The following FGF14 variants were observed in gnomAD, a reference collection of about 807,000 sequenced individuals.
FGF14 encodes the protein fibroblast growth factor 14, also known as fibroblast growth factor homologous factor 4.
In FGF14, 5 loss-of-function variants were observed where a neutral mutation model predicts 25.5. The ratio of observed to expected loss-of-function variants is 0.20; its 90% CI spans 0.10 to 0.41. The LOEUF (loss-of-function observed/expected upper bound fraction) is 0.41, where lower values mean the gene tolerates loss of function less well. Among genes scored for constraint, FGF14 ranks in the 10% least tolerant of loss-of-function variants. The probability of loss-of-function intolerance (pLI) is 1.00; values close to 1 mark genes in which losing one functional copy is unlikely to be tolerated. For synonymous variants in FGF14, 138 were observed against 118.3 expected, an observed-to-expected ratio of 1.17 and a Z score of -1.08; for missense variants, 222 against 320.1, an observed-to-expected ratio of 0.69 and a Z score of 2.34.
At chr13:102,390,496 G>A (rs1460630315) in intron 1 of FGF14, among the ~76,000 whole-genome samples, 4 of 152,300 alleles carry the variant, frequency 2.6e-5, no homozygotes, top group Non-Finnish European at 4.4e-5. Context: ...TTTCTAGAGC[G>A]GTAGCTGCAA....
intron 1 of FGF14, among the ~76,000 whole-genome samples, chr13:102,185,601 T>C (rs541998136): frequency 6.6e-6 from 1 of 152,194 alleles, no homozygotes; most frequent in Non-Finnish European, 1.5e-5. Context: ...CTCTTAAAGA[T>C]CTCCATATGA....
chr13:101,747,078 G>T (rs1440732209), intron 3 of FGF14, among the ~76,000 whole-genome samples: 2 of 151,866 alleles, frequency 1.3e-5, no homozygotes, highest in African/African-American at 4.8e-5. Context: ...GCAGGAAAGT[G>T]GTATGTTGAG....
intron 1 of FGF14, among the ~76,000 whole-genome samples, chr13:102,126,320 A>G (rs1291567997): frequency 6.6e-6 from 1 of 152,202 alleles, no homozygotes; most frequent in Admixed American, 6.5e-5. Flanking sequence ...ATCATACAAT[A>G]TGTGTCCTAT....
intron 1 of FGF14, among the ~76,000 whole-genome samples, chr13:102,380,206 C>T (rs1281373612): frequency 6.6e-6 from 1 of 152,008 alleles, no homozygotes; most frequent in Non-Finnish European, 1.5e-5. Context: ...CATGGAATGT[C>T]ATGAAACTGA....
At chr13:102,374,656 A>G (rs1254235843) in intron 1 of FGF14, among the ~76,000 whole-genome samples, 13 of 63,198 alleles carry the variant, frequency 2.1e-4, no homozygotes, top group Admixed American at 1.8e-3. Flanking sequence ...ATATATATAT[A>G]TATATATATA....
At chr13:102,202,092 C>CCCTTCG (rs1342158834) in intron 1 of FGF14, among the ~76,000 whole-genome samples, 1 of 152,170 alleles carries the variant, frequency 6.6e-6, no homozygotes, top group East Asian at 1.9e-4. Flanking sequence ...TGCTGCCTCC[C>CCCTTCG]CCTTCGCCTT....
intron 1 of FGF14, among the ~76,000 whole-genome samples, chr13:102,386,540 G>C (rs1367346598): frequency 1.3e-5 from 2 of 152,198 alleles, no homozygotes; most frequent in African/African-American, 4.8e-5. Flanking sequence ...AAAGGAAAAA[G>C]CATAGTCAGG....
intron 1 of FGF14, among the ~76,000 whole-genome samples, chr13:102,330,325 A>G (rs909782772): frequency 6.6e-6 from 1 of 151,990 alleles, no homozygotes; most frequent in Non-Finnish European, 1.5e-5. Context: ...TTGTGAACCA[A>G]TTTTCTCTGT....
intron 3 of FGF14, among the ~76,000 whole-genome samples, chr13:101,742,009 G>A (rs1449799645): frequency 6.6e-6 from 1 of 152,160 alleles, no homozygotes; most frequent in Non-Finnish European, 1.5e-5. Flanking sequence ...GAAGTGGCTA[G>A]AGTTAGAGAT....
chr13:101,775,507 G>A (rs2039051648), intron 3 of FGF14, among the ~76,000 whole-genome samples: 1 of 137,620 alleles, frequency 7.3e-6, no homozygotes, highest in Non-Finnish European at 1.6e-5. Context: ...GTGAAGAGCC[G>A]AGAATTTCTG....
At chr13:102,360,704 A>G (rs1166445943) in intron 1 of FGF14, among the ~76,000 whole-genome samples, 6 of 152,192 alleles carry the variant, frequency 3.9e-5, no homozygotes, top group African/African-American at 1.4e-4. Flanking sequence ...TTCAAGGAGC[A>G]AAATTATCAG....
chr13:102,142,530 G>C (rs190666583), intron 1 of FGF14, among the ~76,000 whole-genome samples: 100 of 152,218 alleles, frequency 6.6e-4, no homozygotes, highest in Admixed American at 3.5e-3. Context: ...TGTTTTCAGG[G>C]TTATTATTAT....
chr13:101,901,571 G>C (rs2031555820), intron 1 of FGF14, among the ~76,000 whole-genome samples: 1 of 152,114 alleles, frequency 6.6e-6, no homozygotes, highest in Non-Finnish European at 1.5e-5. Flanking sequence ...AGAGGTTATG[G>C]TGTGCACCTG....
chr13:102,308,834 CTGGGGTGTTAT>C (rs1196815125), intron 1 of FGF14, among the ~76,000 whole-genome samples: 1 of 147,448 alleles, frequency 6.8e-6, no homozygotes, highest in East Asian at 2.1e-4. Context: ...GACCTGGTAC[CTGGGGTGTTAT>C]TGGGGGCAGA....
intron 3 of FGF14, among the ~76,000 whole-genome samples, chr13:101,809,217 A>G (rs2041363578): frequency 6.6e-6 from 1 of 152,172 alleles, no homozygotes; most frequent in Non-Finnish European, 1.5e-5. Flanking sequence ...ACATGTACAT[A>G]CTCAGAAAAA....
intron 1 of FGF14, among the ~76,000 whole-genome samples, chr13:102,156,476 A>G (rs1275683531): frequency 6.6e-6 from 1 of 152,038 alleles, no homozygotes; most frequent in Non-Finnish European, 1.5e-5. Context: ...CATGCTAAAA[A>G]CTCTCAATAA....
chr13:102,359,458 A>T (rs545247769), intron 1 of FGF14, among the ~76,000 whole-genome samples: 1 of 152,208 alleles, frequency 6.6e-6, no homozygotes, highest in Non-Finnish European at 1.5e-5. Context: ...TTGATGATGT[A>T]ATCAAAATAC....
intron 1 of FGF14, among the ~76,000 whole-genome samples, chr13:102,134,021 T>A (rs1432236811): frequency 6.6e-6 from 1 of 152,246 alleles, no homozygotes; most frequent in Non-Finnish European, 1.5e-5. Context: ...TTTTGTCATC[T>A]TTATTTTTAT....
At position 101,714,498 on chromosome 13, in the gene FGF14, T is replaced by C; in HGVS notation, c.*8333A>G. On this transcript the variant is annotated 3_prime_UTR_variant, in exon 5 of 5. Coordinates refer to ENST00000376143, the MANE Select transcript of FGF14 (RefSeq NM_004115.4). ...GAAGAGTGGTATATTTCTGGGGAGTTCTGTGACTGTGATGACAGAGACTGC... is the reference window on the plus strand; with the variant it reads ...GAAGAGTGGTATATTTCTGGGGAGTCCTGTGACTGTGATGACAGAGACTGC... 6.2e-7 allele frequency: 1 copy of C among 1,613,170 alleles called. No individual in the cohort carries two copies. Among genetic ancestry groups the C allele is most frequent in the Non-Finnish European group, 8.5e-7 (1 of 1,179,184 alleles).
Sources: allele counts gnomAD v4.1 joint callset (sites outside exome capture counted in the v4.1 genomes callset), GRCh38; gene constraint gnomAD v4.1.1; transcripts MANE v1.5; gene names NCBI Gene and HGNC (gene_info 2026-07-23, HGNC 2026-07-21).